The following RNF8 variants were observed in gnomAD, a reference collection of about 807,000 sequenced individuals.
The protein encoded by RNF8 is E3 ubiquitin-protein ligase RNF8.
In RNF8, 8 loss-of-function variants were observed where a neutral mutation model predicts 59.3. The observed-to-expected ratio is 0.13, with a 90% CI of 0.08 to 0.24. The LOEUF (loss-of-function observed/expected upper bound fraction) is 0.24. Ranked by LOEUF, RNF8 falls within the 10% of genes least tolerant of loss-of-function variation. The pLI is 1.00. For synonymous variants in RNF8, 162 were observed against 200.0 expected (o/e 0.81, Z 1.60); for missense variants, 406 against 572.6 (o/e 0.71, Z 2.97).
intron 2 of RNF8, among the ~76,000 whole-genome samples, chr6:37,364,744 T>C (rs1355210677): frequency 6.6e-6 from 1 of 152,212 alleles, no homozygotes; most frequent in Non-Finnish European, 1.5e-5. Flanking sequence ...GAAACTTGTA[T>C]GTGAATGTTT....
At chr6:37,374,788 G>A (rs1246365438) in intron 5 of RNF8, 79 bp downstream of exon 5, 7 of 984,732 alleles carry the variant, frequency 7.1e-6, no homozygotes, top group Non-Finnish European at 1.1e-5. Context: ...GGGTTGCTAG[G>A]GAAAATAAAG....
rs1037298852 is a variant in RNF8, at chr6:37,360,007, C to T, written c.112-439C>T. Among the ~76,000 whole-genome samples, 8 of 152,146 alleles carry T rather than the reference C, an allele frequency of 5.3e-5. No individual in the cohort carries two copies. Among genetic ancestry groups the T allele is most frequent in the East Asian group, 1.9e-4 (1 of 5,196 alleles). ...CATTGAAAGGGGATTGGAGATTTCC[C>T]GATGGTGCCCAGGGCAAAGCCAGGG... On this transcript the variant is annotated intron_variant, in intron 1 of 7. Coordinates refer to ENST00000373479, the MANE Select transcript of RNF8 (RefSeq NM_003958.4). This position sits in a 1 kb window ranked among gnomAD's most constrained non-coding sequence, Gnocchi z 4.2.
chr6:37,368,453 G>A, intron 2 of RNF8, 31 bp from the exon 3 acceptor site: 1 of 1,614,018 alleles, frequency 6.2e-7, no homozygotes, highest in Non-Finnish European at 8.5e-7. Context: ...AAATCATGAA[G>A]CTTATTTCTT....
chr6:37,355,996 T>C (rs1260455716), intron 1 of RNF8, among the ~76,000 whole-genome samples: 2 of 152,214 alleles, frequency 1.3e-5, no homozygotes, highest in African/African-American at 4.8e-5. Context: ...GTGTTATTCC[T>C]TTAGATTCAA....
chr6:37,359,266 CA>C (rs1354440431), intron 1 of RNF8: 1 of 442,248 alleles, frequency 2.3e-6, no homozygotes, highest in Non-Finnish European at 4.5e-6. Context: ...CGGAAGCTCT[CA>C]AGCTGTTCTT....
chr6:37,369,207 C>G lies in RNF8; in HGVS notation c.964C>G (p.Gln322Glu), dbSNP rs201758814. 4.4e-6 allele frequency: 7 copies of G among 1,609,186 alleles called. No individual in the cohort carries two copies. In the East Asian group the frequency reaches 1.6e-4, roughly 36 times the overall value. Reference sequence around the variant, plus strand: ...AGAGAAGACTTTCCAGGAAGAGGAACAGCATCTTCAGGTACCACACAGAAG... The same window carrying G: ...AGAGAAGACTTTCCAGGAAGAGGAAGAGCATCTTCAGGTACCACACAGAAG... ...QLEKTFQEEEQHLQGLEIAQG... is the reference protein window; with the variant it reads ...QLEKTFQEEEEHLQGLEIAQG... Residue 322 changes from glutamine to glutamate, a missense_variant, in exon 3 of 8, where the codon CAG (glutamine) becomes GAG (glutamate). This residue lies in a region of RNF8 where 285 missense variants were observed against 342.0 expected (regional missense o/e 0.83). Transcript: ENST00000373479.
At chr6:37,384,743 T>A (rs1770421964) in intron 7 of RNF8, among the ~76,000 whole-genome samples, 1 of 152,196 alleles carries the variant, frequency 6.6e-6, no homozygotes, top group Non-Finnish European at 1.5e-5. Context: ...ATATTGCCCA[T>A]CCTCCTTTGC....
intron 5 of RNF8, among the ~76,000 whole-genome samples, chr6:37,376,379 A>G (rs1211781917): frequency 6.6e-6 from 1 of 152,234 alleles, no homozygotes; most frequent in East Asian, 1.9e-4. Flanking sequence ...AAAAAGACCC[A>G]TAAACTGCGT....
chr6:37,389,600 G>A (rs886674905), intron 7 of RNF8, among the ~76,000 whole-genome samples: 7 of 152,048 alleles, frequency 4.6e-5, no homozygotes, highest in African/African-American at 1.4e-4. Context: ...GGCATGACTC[G>A]TTGGAAAGCA....
At position 37,391,483 on chromosome 6, in the gene RNF8, G is replaced by A. The variant is rs1770724741; in HGVS notation, c.*725G>A. On this transcript the variant is annotated 3_prime_UTR_variant, in exon 8 of 8. Coordinates refer to ENST00000373479, the MANE Select transcript of RNF8 (RefSeq NM_003958.4). ...GGTCACTGTTTACCTTGTTTCAGGG[G>A]TGGGAGAAACTCCTTTCCTTCAGCT... 1 of 152,182 alleles carries A rather than the reference G, an allele frequency of 6.6e-6. No homozygotes were observed. The highest frequency in any genetic ancestry group is 6.6e-5 in the Admixed American group (1 of 15,260). 9.4% of individuals were successfully genotyped at this position (152,182 alleles called of 1,614,324 possible).
chr6:37,363,740 G>A (rs1460012819), intron 2 of RNF8, among the ~76,000 whole-genome samples: 2 of 152,178 alleles, frequency 1.3e-5, no homozygotes, highest in Admixed American at 6.6e-5. Context: ...TCTTGACACA[G>A]TATTTTCACT....
At chr6:37,361,127 A>T (rs775325157) in intron 2 of RNF8, 1 of 384,036 alleles carries the variant, frequency 2.6e-6, no homozygotes, top group Non-Finnish European at 5.1e-6. Context: ...TTAGTGGTAA[A>T]TATATTGAGG....
At chr6:37,364,198 A>T (rs926848957) in intron 2 of RNF8, among the ~76,000 whole-genome samples, 2 of 151,410 alleles carry the variant, frequency 1.3e-5, no homozygotes, top group Non-Finnish European at 2.9e-5. Context: ...AAAAAAAAAA[A>T]ATTGAGTGAA....
At position 37,360,564 on chromosome 6, in the gene RNF8, T is replaced by C; in HGVS notation, c.230T>C (p.Met77Thr). The C allele has an allele frequency of 1.9e-6, 3 of 1,613,922 alleles. No homozygotes were observed. Among genetic ancestry groups the C allele is most frequent in the South Asian group, 1.1e-5 (1 of 91,072 alleles). ...AATCCTGAGGGCCAATGGACAATTA[T>C]GGACAACAAGGTACAGGAATTCACA... ...KQNPEGQWTI[M>T]DNKSLNGVWL... is the part of the protein sequence containing the mutation. The change falls in exon 2 of 8, where the codon ATG becomes ACG. Residue 77 changes from methionine (M) to threonine (T), a missense_variant. Transcript: ENST00000373479. This position sits in a 1 kb window ranked among gnomAD's most constrained non-coding sequence, Gnocchi z 4.2.
intron 2 of RNF8, among the ~76,000 whole-genome samples, chr6:37,366,437 A>G (rs932123676): frequency 1.8e-4 from 27 of 152,180 alleles, no homozygotes; most frequent in Non-Finnish European, 3.8e-4. Context: ...AGCAAACCTT[A>G]TCACTCCCCA....
In RNF8 at chr6:37,377,367, A is replaced by G. The variant is rs113095497; in HGVS notation, c.1236+334A>G. Reference sequence around the variant, plus strand: ...GCTGGGATTACAGGTGTGAGTCACCACACCCAGCCGACCCCTTCTTATTCT... The same window carrying G: ...GCTGGGATTACAGGTGTGAGTCACCGCACCCAGCCGACCCCTTCTTATTCT... On this transcript the variant is annotated intron_variant, in intron 6 of 7. Coordinates refer to ENST00000373479, the MANE Select transcript of RNF8 (RefSeq NM_003958.4). Among the ~76,000 whole-genome samples, 1,102 of 152,076 alleles carry G rather than the reference A, an allele frequency of 7.2e-3. 18 individuals carry two copies. The highest frequency in any genetic ancestry group is 0.025 in the African/African-American group (1,038 of 41,506).
chr6:37,354,387 C>A, intron 1 of RNF8, 112 bp downstream of exon 1: 1 of 824,852 alleles, frequency 1.2e-6, no homozygotes, highest in Non-Finnish European at 1.8e-6. Flanking sequence ...AGGAGGCGGG[C>A]ATCAGGAAGA....
At chr6:37,378,731 G>A (rs747570675) in intron 6 of RNF8, among the ~76,000 whole-genome samples, 2 of 151,872 alleles carry the variant, frequency 1.3e-5, no homozygotes, top group Non-Finnish European at 2.9e-5. Context: ...TTTTCCTCTG[G>A]GTCCGTTTGG....
intron 3 of RNF8, among the ~76,000 whole-genome samples, chr6:37,370,907 G>C (rs982746283): frequency 7.2e-5 from 11 of 152,110 alleles, no homozygotes; most frequent in African/African-American, 2.7e-4. Context: ...TAAATGGGTA[G>C]GTAATTCTTA....
Sources: allele counts gnomAD v4.1 joint callset (sites outside exome capture counted in the v4.1 genomes callset), GRCh38; gene constraint gnomAD v4.1.1; regional missense constraint gnomAD v4.1.1; non-coding constraint Gnocchi (gnomAD v3.1); transcripts MANE v1.5; gene names NCBI Gene and HGNC (gene_info 2026-07-23, HGNC 2026-07-21).